The following TPPP3 variants were observed in gnomAD, a reference collection of about 807,000 sequenced individuals.
The protein encoded by TPPP3 is tubulin polymerization promoting protein family member 3.
A neutral mutation model predicts 13.1 loss-of-function variants in TPPP3; 7 were observed. That is an observed-to-expected ratio of 0.54 (90% confidence interval 0.30 to 1.01). TPPP3 has a LOEUF of 1.01. TPPP3 is among the 50% of genes least tolerant of loss of function. TPPP3 has a pLI of 0.06. For missense variants in TPPP3, 185 were observed against 235.0 expected, an observed-to-expected ratio of 0.79 and a Z score of 1.39; for synonymous variants, 87 against 93.7, an observed-to-expected ratio of 0.93 and a Z score of 0.41.
chr16:67,390,360 T>C lies in TPPP3; in HGVS notation c.345A>G (p.Lys115=). The C allele has an allele frequency of 1.2e-6, 2 of 1,613,442 alleles. No homozygotes were observed. Among genetic ancestry groups the C allele is most frequent in the Non-Finnish European group, 8.5e-7 (1 of 1,179,400 alleles). Residue 115 remains lysine (K), a splice_region_variant and synonymous_variant, in exon 4 of 4, where the codon AAA becomes AAG. Transcript: ENST00000393957. This position sits in a 1 kb window ranked among gnomAD's most constrained non-coding sequence, Gnocchi z 6.4. The stretch of plus-strand genomic sequence containing the variant: ...GGTCTACAGCACCCCCTGTTTTTGC[T>C]TTCTGTTTGGACAGAGTTTCCCCAG... The part of the protein sequence containing the change: ...GKEPANVGVT[K]AKTGGAVDRL...
Position 67,390,753 on chromosome 16 carries a change from A to G in TPPP3, c.189-121T>C, listed in dbSNP as rs2040317426. 2.7e-6 allele frequency: 4 copies of G among 1,485,334 alleles called. No individual in the cohort carries two copies. In the South Asian group the frequency reaches 5.3e-5, roughly 20 times the overall value. 92.0% of individuals were successfully genotyped at this position (1,485,334 alleles called of 1,614,324 possible). A position where few individuals can be genotyped will look rare whatever the true frequency, so the allele number is the denominator to read the frequency against. ...TGCGTTTCTTTCCCACGTTTGGGGAAGTCGCAGGGGTCAGCAACTCTGGAG... is the reference window on the plus strand; with the variant it reads ...TGCGTTTCTTTCCCACGTTTGGGGAGGTCGCAGGGGTCAGCAACTCTGGAG... On this transcript the variant is annotated intron_variant, in intron 2 of 3. Transcript: ENST00000393957. This position sits in a 1 kb window ranked among gnomAD's most constrained non-coding sequence, Gnocchi z 6.4.
rs768497164 is a variant in TPPP3, at chr16:67,390,397, G to A, written c.343-35C>T. Reference sequence around the variant, plus strand: ...CAGAGTTTCCCCAGGGGCACCTGATGAGGGAGCCCAGCCCTTCCCACCCAC... The same window carrying A: ...CAGAGTTTCCCCAGGGGCACCTGATAAGGGAGCCCAGCCCTTCCCACCCAC... On this transcript the variant is annotated intron_variant, in intron 3 of 3. Coordinates refer to ENST00000393957, the MANE Select transcript of TPPP3 (RefSeq NM_015964.4). This position sits in a 1 kb window ranked among gnomAD's most constrained non-coding sequence, Gnocchi z 6.4. The A allele has an allele frequency of 1.2e-6, 2 of 1,609,048 alleles. No individual in the cohort carries two copies. The highest frequency in any genetic ancestry group is 1.7e-6 in the Non-Finnish European group (2 of 1,175,954).
rs1262936758 is a variant in TPPP3 at position 67,390,212 on chromosome 16, T to C, written c.493A>G (p.Lys165Glu). 1 of 1,614,232 alleles carries C rather than the reference T, an allele frequency of 6.2e-7. No homozygotes were observed. The highest frequency in any genetic ancestry group is 1.1e-5 in the South Asian group (1 of 91,086). ...LDDSGYVSAYKNAGTYDAKVK... is the reference protein window; with the variant it reads ...LDDSGYVSAYENAGTYDAKVK... The stretch of plus-strand genomic sequence containing the variant: ...TTGGCATCGTAGGTGCCTGCATTCT[T>C]GTAGGCGCTCACGTAGCCACTGTCG... The change falls in exon 4 of 4, where the codon AAG becomes GAG. Residue 165 changes from lysine to glutamate, a missense_variant. Coordinates refer to ENST00000393957, the MANE Select transcript of TPPP3 (RefSeq NM_015964.4). This position sits in a 1 kb window ranked among gnomAD's most constrained non-coding sequence, Gnocchi z 6.4.
Position 67,392,901 on chromosome 16 carries a change from C to G in TPPP3, c.-7+479G>C. On this transcript the variant is annotated intron_variant, in intron 1 of 3. Transcript: ENST00000393957. This position sits in a 1 kb window ranked among gnomAD's most constrained non-coding sequence, Gnocchi z 4.9. The stretch of plus-strand genomic sequence containing the variant: ...CCCAGTCCACGCTGCACTCCCCTTC[C>G]CTTTCCCTGGGTGCAACCTCCCACC... The G allele has an allele frequency of 2.2e-6, 2 of 916,800 alleles. No individual in the cohort carries two copies. Among genetic ancestry groups the G allele is most frequent in the Non-Finnish European group, 2.6e-6 (2 of 767,200 alleles). 56.8% of individuals were successfully genotyped at this position (916,800 alleles called of 1,614,324 possible). A position where few individuals can be genotyped will look rare whatever the true frequency, so the allele number is the denominator to read the frequency against.
In TPPP3 at chr16:67,390,711, ACC is replaced by A; in HGVS notation, c.189-81_189-80del. On this transcript the variant is annotated intron_variant, in intron 2 of 3. Transcript: ENST00000393957. This position sits in a 1 kb window ranked among gnomAD's most constrained non-coding sequence, Gnocchi z 6.4. ...GGAAAGCTCAAACACATTTGCTGCC[ACC>A]ACAAATTATGCAATTGCGTTTCTTT... 6.5e-7 allele frequency: 1 copy of A among 1,535,548 alleles called. No homozygotes were observed. Among genetic ancestry groups the A allele is most frequent in the Non-Finnish European group, 8.7e-7 (1 of 1,147,172 alleles).
Position 67,392,687 on chromosome 16 carries a change from C to A in TPPP3, c.-7+693G>T, listed in dbSNP as rs1473400592. On this transcript the variant is annotated intron_variant, in intron 1 of 3. Coordinates refer to ENST00000393957, the MANE Select transcript of TPPP3 (RefSeq NM_015964.4). The surrounding 1 kb of genome is among the most constrained non-coding windows in gnomAD (Gnocchi z 4.9). ...CCTCCACTGCCACCTCCTGACCACA[C>A]CCTCGGTCTCAGCAACCATCTTCTA... Among the ~76,000 whole-genome samples the A allele has an allele frequency of 6.6e-6, 1 of 152,200 alleles. No individual in the cohort carries two copies. Among genetic ancestry groups the A allele is most frequent in the African/African-American group, 2.4e-5 (1 of 41,442 alleles).
rs1332617585 is a variant in TPPP3, at chr16:67,390,591, T to C, written c.230A>G (p.Lys77Arg). The change falls in exon 3 of 4, where the codon AAG (lysine) becomes AGG (arginine). Residue 77 changes from lysine (K) to arginine (R), a missense_variant. Lys to Arg is a conservative substitution (Grantham distance 26). Transcript: ENST00000393957. The surrounding 1 kb of genome is among the most constrained non-coding windows in gnomAD (Gnocchi z 6.4). The part of the protein sequence containing the change: ...ARVINYEEFK[K>R]ALEELATKRF... ...CTTGGTCGCCAGCTCTTCCAGGGCCTTCTTGAACTCCTCATAGTTGATGAC... is the reference window on the plus strand; with the variant it reads ...CTTGGTCGCCAGCTCTTCCAGGGCCCTCTTGAACTCCTCATAGTTGATGAC... The C allele has an allele frequency of 1.2e-6, 2 of 1,613,806 alleles. No individual in the cohort carries two copies. The highest frequency in any genetic ancestry group is 3.3e-5 in the Admixed American group (2 of 59,998).
In TPPP3 at chr16:67,393,274, T is replaced by C; in HGVS notation, c.-7+106A>G. 1 of 958,866 alleles carries C rather than the reference T, an allele frequency of 1.0e-6. No individual in the cohort carries two copies. Among genetic ancestry groups the C allele is most frequent in the Non-Finnish European group, 1.2e-6 (1 of 805,708 alleles). 59.4% of individuals were successfully genotyped at this position (958,866 alleles called of 1,614,324 possible). On this transcript the variant is annotated intron_variant, in intron 1 of 3. Transcript: ENST00000393957. This position sits in a 1 kb window ranked among gnomAD's most constrained non-coding sequence, Gnocchi z 5.4. ...AGGGCCGCTCAGCTGGCTCCTCGGCTGGGACCGCCGGAGGTTGGGACCCTT... is the reference window on the plus strand; with the variant it reads ...AGGGCCGCTCAGCTGGCTCCTCGGCCGGGACCGCCGGAGGTTGGGACCCTT...
At position 67,393,171 on chromosome 16, in the gene TPPP3, C is replaced by T. The variant is rs2040350436; in HGVS notation, c.-7+209G>A. 1 of 605,954 alleles carries T rather than the reference C, an allele frequency of 1.7e-6. No individual in the cohort carries two copies. Among genetic ancestry groups the T allele is most frequent in the African/African-American group, 2.0e-5 (1 of 49,970 alleles). 37.5% of individuals were successfully genotyped at this position (605,954 alleles called of 1,614,324 possible). On this transcript the variant is annotated intron_variant, in intron 1 of 3. Transcript: ENST00000393957. This position sits in a 1 kb window ranked among gnomAD's most constrained non-coding sequence, Gnocchi z 5.4. ...GTGAACTGGAGCCACCCGTCCCGCT[C>T]CCACTGGGACAGCTGGAGTCATCAA...
At position 67,390,117 on chromosome 16, in the gene TPPP3, C is replaced by G; in HGVS notation, c.*57G>C. On this transcript the variant is annotated 3_prime_UTR_variant, in exon 4 of 4. Transcript: ENST00000393957. This position sits in a 1 kb window ranked among gnomAD's most constrained non-coding sequence, Gnocchi z 6.4. ...CTCTTGCTCCACGTGCCCCTTAGAC[C>G]CAGGCCTGAGCCTCTGGCAGGGGCA... 1 of 1,572,986 alleles carries G rather than the reference C, an allele frequency of 6.4e-7. No individual in the cohort carries two copies. The highest frequency in any genetic ancestry group is 8.7e-7 in the Non-Finnish European group (1 of 1,152,288).
At position 67,391,330 on chromosome 16, in the gene TPPP3, A is replaced by C; in HGVS notation, c.-6-213T>G. On this transcript the variant is annotated intron_variant, in intron 1 of 3. Coordinates refer to ENST00000393957, the MANE Select transcript of TPPP3 (RefSeq NM_015964.4). The surrounding 1 kb of genome is among the most constrained non-coding windows in gnomAD (Gnocchi z 6.3). ...CCCGGGAGGCACGGTCTTGTCACTA[A>C]TGCCAGCCCTGGCTCTCAGCAGGGT... The C allele has an allele frequency of 1.7e-6, 1 of 582,514 alleles. No individual in the cohort carries two copies. Among genetic ancestry groups the C allele is most frequent in the Non-Finnish European group, 3.1e-6 (1 of 326,848 alleles). 36.1% of individuals were successfully genotyped at this position (582,514 alleles called of 1,614,324 possible).
Position 67,393,152 on chromosome 16 carries a change from T to TGGA in TPPP3, c.-7+225_-7+227dup. The TGGA allele has an allele frequency of 1.5e-6, 1 of 664,244 alleles. No individual in the cohort carries two copies. Among genetic ancestry groups the TGGA allele is most frequent in the Non-Finnish European group, 1.9e-6 (1 of 536,560 alleles). The allele number at this position is 664,244 out of a possible 1,614,324, so 41.1% of individuals were successfully genotyped here. A position where few individuals can be genotyped will look rare whatever the true frequency, so the allele number is the denominator to read the frequency against. ...GGATGGAGTGGCCACACCCGTGAAC[T>TGGA]GGAGCCACCCGTCCCGCTCCCACTG... On this transcript the variant is annotated intron_variant, in intron 1 of 3. Coordinates refer to ENST00000393957, the MANE Select transcript of TPPP3 (RefSeq NM_015964.4). The surrounding 1 kb of genome is among the most constrained non-coding windows in gnomAD (Gnocchi z 5.4).
chr16:67,393,255 G>A lies in TPPP3; in HGVS notation c.-7+125C>T, dbSNP rs748967219. 176 of 890,156 alleles carry A rather than the reference G, an allele frequency of 2.0e-4. No individual in the cohort carries two copies. The highest frequency in any genetic ancestry group is 2.1e-4 in the Non-Finnish European group (159 of 743,124). The allele number at this position is 890,156 out of a possible 1,614,324, so 55.1% of individuals were successfully genotyped here. ...GAATGCTTGGGGCCAGGGCAGGGCC[G>A]CTCAGCTGGCTCCTCGGCTGGGACC... On this transcript the variant is annotated intron_variant, in intron 1 of 3. Transcript: ENST00000393957. The surrounding 1 kb of genome is among the most constrained non-coding windows in gnomAD (Gnocchi z 5.4).
In TPPP3 at chr16:67,392,742, G is replaced by A. The variant is rs1169484802; in HGVS notation, c.-7+638C>T. 6.6e-6 allele frequency among the ~76,000 whole-genome samples: 1 copy of A among 152,130 alleles called. No homozygotes were observed. Among genetic ancestry groups the A allele is most frequent in the Non-Finnish European group, 1.5e-5 (1 of 68,020 alleles). On this transcript the variant is annotated intron_variant, in intron 1 of 3. Transcript: ENST00000393957. This position sits in a 1 kb window ranked among gnomAD's most constrained non-coding sequence, Gnocchi z 4.9. ...TGCCTTTTACACTAGGGCTTCCAGT[G>A]ACCACGGCCTGGGCTCTGCCCGGCT...
At position 67,390,390 on chromosome 16, in the gene TPPP3, A is replaced by C. The variant is rs2142208838; in HGVS notation, c.343-28T>G. On this transcript the variant is annotated intron_variant, in intron 3 of 3. Transcript: ENST00000393957. The surrounding 1 kb of genome is among the most constrained non-coding windows in gnomAD (Gnocchi z 6.4). Reference sequence around the variant, plus strand: ...GTTTGGACAGAGTTTCCCCAGGGGCACCTGATGAGGGAGCCCAGCCCTTCC... The same window carrying C: ...GTTTGGACAGAGTTTCCCCAGGGGCCCCTGATGAGGGAGCCCAGCCCTTCC... 3 of 1,609,388 alleles carry C rather than the reference A, an allele frequency of 1.9e-6. No homozygotes were observed. The highest frequency in any genetic ancestry group is 2.6e-6 in the Non-Finnish European group (3 of 1,176,224).
Position 67,390,426 on chromosome 16 carries a change from C to G in TPPP3, c.342+53G>C. On this transcript the variant is annotated intron_variant, in intron 3 of 3. Transcript: ENST00000393957. This position sits in a 1 kb window ranked among gnomAD's most constrained non-coding sequence, Gnocchi z 6.4. ...GAGCCCAGCCCTTCCCACCCACAGC[C>G]ACGATTCCCCACACCCCATTCCGTG... The G allele has an allele frequency of 6.2e-7, 1 of 1,606,814 alleles. No individual in the cohort carries two copies.
rs758374621 is a variant in TPPP3 at position 67,391,219 on chromosome 16, G to A, written c.-6-102C>T. 22 of 1,244,202 alleles carry A rather than the reference G, an allele frequency of 1.8e-5. No homozygotes were observed. Among genetic ancestry groups the A allele is most frequent in the Non-Finnish European group, 2.5e-5 (22 of 893,434 alleles). The allele number at this position is 1,244,202 out of a possible 1,614,324, so 77.1% of individuals were successfully genotyped here. On this transcript the variant is annotated intron_variant, in intron 1 of 3. Coordinates refer to ENST00000393957, the MANE Select transcript of TPPP3 (RefSeq NM_015964.4). This position sits in a 1 kb window ranked among gnomAD's most constrained non-coding sequence, Gnocchi z 6.3. ...ACCTCAAACCTGCAAGACCTGGGCAGGTTCTGCTACAGAGTTGGTGCTGGA... is the reference window on the plus strand; with the variant it reads ...ACCTCAAACCTGCAAGACCTGGGCAAGTTCTGCTACAGAGTTGGTGCTGGA...
rs2040326365 is a variant in TPPP3, at chr16:67,391,362, G to A, written c.-6-245C>T. The A allele has an allele frequency of 5.5e-6, 3 of 543,246 alleles. No individual in the cohort carries two copies. The highest frequency in any genetic ancestry group is 9.9e-6 in the Non-Finnish European group (3 of 302,902). The allele number at this position is 543,246 out of a possible 1,614,324, so 33.7% of individuals were successfully genotyped here. A position where few individuals can be genotyped will look rare whatever the true frequency, so the allele number is the denominator to read the frequency against. ...CCCTGGCTCTCAGCAGGGTTCAGCA[G>A]ATGAAATAATGATGCCCACAGGGAA... On this transcript the variant is annotated intron_variant, in intron 1 of 3. Coordinates refer to ENST00000393957, the MANE Select transcript of TPPP3 (RefSeq NM_015964.4). The surrounding 1 kb of genome is among the most constrained non-coding windows in gnomAD (Gnocchi z 6.3).
chr16:67,390,804 G>C lies in TPPP3; in HGVS notation c.188+120C>G. On this transcript the variant is annotated intron_variant, in intron 2 of 3. Coordinates refer to ENST00000393957, the MANE Select transcript of TPPP3 (RefSeq NM_015964.4). This position sits in a 1 kb window ranked among gnomAD's most constrained non-coding sequence, Gnocchi z 6.4. Reference sequence around the variant, plus strand: ...GGCAATAGATATAAGGTTTGCCCTGGAAGAACGACCTTCGTGATCATGGTG... The same window carrying C: ...GGCAATAGATATAAGGTTTGCCCTGCAAGAACGACCTTCGTGATCATGGTG... 7.1e-7 allele frequency: 1 copy of C among 1,408,854 alleles called. No homozygotes were observed. The highest frequency in any genetic ancestry group is 1.4e-5 in the African/African-American group (1 of 69,784). 87.3% of individuals were successfully genotyped at this position (1,408,854 alleles called of 1,614,324 possible).
Sources: allele counts gnomAD v4.1 joint callset (sites outside exome capture counted in the v4.1 genomes callset), GRCh38; gene constraint gnomAD v4.1.1; non-coding constraint Gnocchi (gnomAD v3.1); transcripts MANE v1.5; gene names NCBI Gene and HGNC (gene_info 2026-07-23, HGNC 2026-07-21).